The following MGAT4C variants were observed in gnomAD, a reference collection of about 807,000 sequenced individuals.
MGAT4C encodes the protein MGAT4 family member C, also known as alpha-1,3-mannosyl-glycoprotein 4-beta-N-acetylglucosaminyltransferase C.
MGAT4C carries 19 observed loss-of-function variants against 40.1 expected under a neutral mutation model. That is an observed-to-expected ratio of 0.47 (90% CI 0.33 to 0.70). The LOEUF is 0.70. Ranked by LOEUF, MGAT4C falls within the 30% of genes least tolerant of loss-of-function variation. MGAT4C has a pLI of 0.02. For missense variants in MGAT4C, 491 were observed against 563.2 expected (o/e 0.87, Z 1.30); for synonymous variants, 181 against 187.1 (o/e 0.97, Z 0.27).
intron 2 of MGAT4C, among the ~76,000 whole-genome samples, chr12:86,596,210 A>C (rs914333297): frequency 1.8e-4 from 27 of 152,228 alleles, no homozygotes; most frequent in African/African-American, 6.5e-4. Flanking sequence ...AAAATAAATA[A>C]ATAAATAAAT....
chr12:86,359,500 G>A (rs1465905538), intron 3 of MGAT4C, among the ~76,000 whole-genome samples: 4 of 149,026 alleles, frequency 2.7e-5, no homozygotes, highest in Admixed American at 1.3e-4. Context: ...AGGAGATAGA[G>A]ACATAAAAAA....
In MGAT4C at chr12:85,996,877, T is replaced by G. The variant is rs1316434334; in HGVS notation, c.-6-7325A>C. On this transcript the variant is annotated intron_variant, in intron 2 of 4. Transcript: ENST00000611864. ...AGTCCTCTATTTAAATATTCCTCCCTCAATAATTGACTGAACATGCAAATA... is the reference window on the plus strand; with the variant it reads ...AGTCCTCTATTTAAATATTCCTCCCGCAATAATTGACTGAACATGCAAATA... Among the ~76,000 whole-genome samples, 3 of 152,222 alleles carry G rather than the reference T, an allele frequency of 2.0e-5. No individual in the cohort carries two copies. In the East Asian group the frequency reaches 5.8e-4, roughly 29 times the overall value.
chr12:86,473,806 T>C lies in MGAT4C; in HGVS notation c.-228-38541A>G, dbSNP rs111934880. Among the ~76,000 whole-genome samples, 499 of 152,284 alleles carry C rather than the reference T, an allele frequency of 3.3e-3. 2 individuals carry two copies. Among genetic ancestry groups the C allele is most frequent in the African/African-American group, 0.012 (481 of 41,566 alleles). On this transcript the variant is annotated intron_variant, in intron 2 of 7. Transcript: ENST00000548651. The stretch of plus-strand genomic sequence containing the variant: ...TTTAATGAATAAAGTCCATCTTTAA[T>C]AAGTAATTGCAAGTGGGAGAGAATC...
Position 86,234,521 on chromosome 12 carries a change from T to A in MGAT4C, c.-57+21718A>T, listed in dbSNP as rs144211605. Among the ~76,000 whole-genome samples, 87 of 152,224 alleles carry A rather than the reference T, an allele frequency of 5.7e-4. 1 individual carries two copies. The highest frequency in any genetic ancestry group is 1.0e-3 in the Non-Finnish European group (68 of 67,994). ...TTTGAGTATCATTCTAAATGCAAAA[T>A]AGGTACCAATCTGTGTCTGGTAAAC... On this transcript the variant is annotated intron_variant, in intron 1 of 4. Coordinates refer to ENST00000611864, the MANE Select transcript of MGAT4C (RefSeq NM_001351288.2).
chr12:86,622,514 T>C (rs1489846486), intron 2 of MGAT4C, among the ~76,000 whole-genome samples: 1 of 152,112 alleles, frequency 6.6e-6, no homozygotes, highest in Non-Finnish European at 1.5e-5. Context: ...AAAATGGTAA[T>C]TGAGGGAGCA....
intron 2 of MGAT4C, among the ~76,000 whole-genome samples, chr12:86,568,683 C>G (rs1482775225): frequency 6.6e-6 from 1 of 151,660 alleles, no homozygotes; most frequent in Non-Finnish European, 1.5e-5. Flanking sequence ...GAAGATACTA[C>G]AAAGCTATGG....
chr12:86,144,963 T>C (rs1030401863), intron 1 of MGAT4C, among the ~76,000 whole-genome samples: 2 of 152,110 alleles, frequency 1.3e-5, no homozygotes, highest in Non-Finnish European at 2.9e-5. Context: ...CAAGTGGTTA[T>C]TTTGCAGGAA....
At chr12:86,181,718 A>T in intron 1 of MGAT4C, among the ~76,000 whole-genome samples, 1 of 152,072 alleles carries the variant, frequency 6.6e-6, no homozygotes, top group African/African-American at 2.4e-5. Flanking sequence ...GTGGAATAAA[A>T]TTTTTCAACC....
intron 2 of MGAT4C, among the ~76,000 whole-genome samples, chr12:86,511,936 C>T (rs902114138): frequency 1.8e-4 from 28 of 151,900 alleles, no homozygotes; most frequent in Non-Finnish European, 1.0e-4. Context: ...GCAAAGGAAA[C>T]AATTAATAGA....
At chr12:86,770,278 C>G (rs1253301445) in intron 1 of MGAT4C, among the ~76,000 whole-genome samples, 13 of 151,730 alleles carry the variant, frequency 8.6e-5, no homozygotes, top group Non-Finnish European at 2.9e-5. Flanking sequence ...CCTGGTCTAC[C>G]AAATTTATAT....
chr12:86,207,956 C>T (rs1435648619), intron 1 of MGAT4C, among the ~76,000 whole-genome samples: 1 of 152,074 alleles, frequency 6.6e-6, no homozygotes, highest in East Asian at 1.9e-4. Flanking sequence ...AGTAAACTAC[C>T]TAAGATCAGA....
Position 85,979,648 on chromosome 12 carries a change from C to A in MGAT4C, c.1078G>T (p.Ala360Ser), listed in dbSNP as rs1884312296. 4 of 1,612,454 alleles carry A rather than the reference C, an allele frequency of 2.5e-6. No individual in the cohort carries two copies. The highest frequency in any genetic ancestry group is 3.4e-6 in the Non-Finnish European group (4 of 1,179,706). The change falls in exon 5 of 5, where the codon GCT becomes TCT. Residue 360 changes from alanine (A) to serine (S), a missense_variant. Transcript: ENST00000611864. ...NVFENYEASK[A>S]YSSVDEYFWG... ...AAGTACTCATCAACACTACTGTAAG[C>A]CTTGCTTGCTTCATAATTTTCAAAC... is the stretch of plus-strand genomic sequence containing the variant.
intron 2 of MGAT4C, among the ~76,000 whole-genome samples, chr12:86,508,529 G>A (rs1181600224): frequency 3.3e-5 from 5 of 152,090 alleles, no homozygotes; most frequent in East Asian, 1.9e-4. Context: ...ACGTGTGCAT[G>A]TGTCTTTATA....
At chr12:86,150,931 C>G (rs532468338) in intron 1 of MGAT4C, among the ~76,000 whole-genome samples, 2 of 152,278 alleles carry the variant, frequency 1.3e-5, no homozygotes, top group Admixed American at 6.5e-5. Context: ...GAAGCTCACT[C>G]AAGCTTTGGC....
At chr12:86,090,165 T>G (rs986954723) in intron 1 of MGAT4C, among the ~76,000 whole-genome samples, 2 of 151,700 alleles carry the variant, frequency 1.3e-5, no homozygotes, top group Admixed American at 6.6e-5. Flanking sequence ...GAATGTTTGC[T>G]GATAGCTTCT....
intron 1 of MGAT4C, among the ~76,000 whole-genome samples, chr12:86,191,762 G>GTGTGTGTT (rs1416052960): frequency 7.0e-6 from 1 of 143,672 alleles, no homozygotes; most frequent in Non-Finnish European, 1.5e-5. Flanking sequence ...GTGTGTGTGT[G>GTGTGTGTT]TGTGTGTGTG....
chr12:86,623,193 T>G (rs903889384), intron 2 of MGAT4C, among the ~76,000 whole-genome samples: 2 of 152,082 alleles, frequency 1.3e-5, no homozygotes, highest in African/African-American at 4.8e-5. Flanking sequence ...ACCAAACCTG[T>G]TCAAAATTAA....
At chr12:86,623,584 T>C (rs536801570) in intron 2 of MGAT4C, among the ~76,000 whole-genome samples, 72 of 152,274 alleles carry the variant, frequency 4.7e-4, no homozygotes, top group Non-Finnish European at 9.4e-4. Flanking sequence ...AAGAATTTCA[T>C]CTAGAATTCT....
At chr12:86,037,320 G>T (rs997338780) in intron 2 of MGAT4C, among the ~76,000 whole-genome samples, 1 of 149,552 alleles carries the variant, frequency 6.7e-6, no homozygotes, top group Admixed American at 6.7e-5. Context: ...GTTACTTTTT[G>T]CCTTCTGCTA....
Sources: allele counts gnomAD v4.1 joint callset (sites outside exome capture counted in the v4.1 genomes callset), GRCh38; gene constraint gnomAD v4.1.1; transcripts MANE v1.5; gene names NCBI Gene and HGNC (gene_info 2026-07-23, HGNC 2026-07-21).